CACNA2D3: variants seen among roughly 807,000 people sequenced by gnomAD.
CACNA2D3 encodes the protein calcium voltage-gated channel auxiliary subunit alpha2delta 3.
A neutral mutation model predicts 160.6 loss-of-function variants in CACNA2D3; 60 were observed. The observed-to-expected ratio is 0.37, with a 90% confidence interval of 0.30 to 0.46. The LOEUF (loss-of-function observed/expected upper bound fraction) is 0.46. Among genes scored for constraint, CACNA2D3 ranks in the 20% least tolerant of loss-of-function variants. CACNA2D3 has a pLI of 1.00. For missense variants in CACNA2D3, 1,205 were observed against 1,365.0 expected (o/e 0.88, Z 1.85); for synonymous variants, 558 against 492.9 (o/e 1.13, Z -1.75).
intron 4 of CACNA2D3, among the ~76,000 whole-genome samples, chr3:54,391,329 C>T (rs1162400179): frequency 6.6e-6 from 1 of 152,148 alleles, no homozygotes; most frequent in Non-Finnish European, 1.5e-5. Flanking sequence ...CTACAGCCCC[C>T]TCTGTAATGT....
intron 27 of CACNA2D3, among the ~76,000 whole-genome samples, chr3:54,936,997 G>T (rs1273239041): frequency 2.0e-5 from 3 of 152,124 alleles, no homozygotes; most frequent in African/African-American, 7.2e-5. Flanking sequence ...TGGAAAGGCA[G>T]CTGAGTGCCG....
At chr3:55,000,414 C>T (rs565603050) in intron 31 of CACNA2D3, among the ~76,000 whole-genome samples, 2 of 151,978 alleles carry the variant, frequency 1.3e-5, no homozygotes, top group South Asian at 2.1e-4. Flanking sequence ...GAGTGGGGAA[C>T]AAGGGGAGGG....
chr3:54,314,305 A>T (rs1328136314), intron 2 of CACNA2D3, among the ~76,000 whole-genome samples: 1 of 152,092 alleles, frequency 6.6e-6, no homozygotes, highest in Non-Finnish European at 1.5e-5. Flanking sequence ...CCACTCATTG[A>T]TTGATGGGTA....
chr3:54,123,363 A>C, intron 1 of CACNA2D3, 150 bp from the exon 2 acceptor site: 1 of 648,506 alleles, frequency 1.5e-6, no homozygotes, highest in Non-Finnish European at 2.7e-6. Flanking sequence ...GGCAGTTTCT[A>C]CCAAGCCGCT....
intron 14 of CACNA2D3, among the ~76,000 whole-genome samples, chr3:54,832,016 C>T (rs868831127): frequency 0.017 from 2,058 of 121,106 alleles, 74 homozygotes; most frequent in South Asian, 0.036. Flanking sequence ...CTCTGTCACA[C>T]ACACACACAC....
chr3:54,984,673 G>T lies in CACNA2D3; in HGVS notation c.2619+3G>T. ...TGGTGTCTGAAGACTACACACAGGT[G>T]AGTGAAAATTTTCTACCAGCTCCAA... On this transcript the variant is annotated splice_donor_region_variant and intron_variant, in intron 30 of 37. Transcript: ENST00000474759. 6.4e-7 allele frequency: 1 copy of T among 1,551,200 alleles called. No homozygotes were observed. The highest frequency in any genetic ancestry group is 2.3e-5 in the East Asian group (1 of 42,806).
At chr3:54,797,709 C>G (rs1306584674) in intron 13 of CACNA2D3, among the ~76,000 whole-genome samples, 1 of 152,186 alleles carries the variant, frequency 6.6e-6, no homozygotes, top group Non-Finnish European at 1.5e-5. Context: ...GTAATGTCCT[C>G]TAAAGATGAG....
chr3:54,309,379 G>A (rs1354439308), intron 2 of CACNA2D3, among the ~76,000 whole-genome samples: 1 of 152,238 alleles, frequency 6.6e-6, no homozygotes, highest in African/African-American at 2.4e-5. Context: ...ATTTATCAGA[G>A]GCATTTGTCC....
In CACNA2D3 at chr3:54,755,586, GCTTGT is replaced by G. The variant is rs371828944; in HGVS notation, c.1246+2912_1246+2916del. Among the ~76,000 whole-genome samples the G allele has an allele frequency of 3.3e-5, 5 of 152,102 alleles. 1 individual carries two copies. The highest frequency in any genetic ancestry group is 1.2e-4 in the African/African-American group (5 of 41,488). ...TTCACTAAAAGGTATCAATAATTCT[GCTTGT>G]CTCAGAGTTACACATTTGGCCTCAT... On this transcript the variant is annotated intron_variant, in intron 12 of 37. Coordinates refer to ENST00000474759, the MANE Select transcript of CACNA2D3 (RefSeq NM_018398.3).
chr3:54,940,601 T>C (rs567871278), intron 27 of CACNA2D3, among the ~76,000 whole-genome samples: 105 of 152,312 alleles, frequency 6.9e-4, no homozygotes, highest in Non-Finnish European at 1.3e-3. Context: ...TGCTACAGGC[T>C]ACTCCCAAAC....
At chr3:54,200,144 G>A (rs1363079037) in intron 2 of CACNA2D3, among the ~76,000 whole-genome samples, 1 of 152,218 alleles carries the variant, frequency 6.6e-6, no homozygotes, top group African/African-American at 2.4e-5. Context: ...ATCAGTGGCT[G>A]AAGTCTGGAA....
At chr3:54,390,768 C>G (rs1045996986) in intron 4 of CACNA2D3, among the ~76,000 whole-genome samples, 1 of 152,178 alleles carries the variant, frequency 6.6e-6, no homozygotes, top group African/African-American at 2.4e-5. Context: ...AGCCCCATTG[C>G]TATTACTGAG....
chr3:54,546,995 G>C (rs538249814), intron 5 of CACNA2D3, among the ~76,000 whole-genome samples: 1 of 152,240 alleles, frequency 6.6e-6, no homozygotes, highest in African/African-American at 2.4e-5. Context: ...GGGATCTTCA[G>C]GCACTTGTCC....
At chr3:54,990,268 C>T (rs753371082) in intron 31 of CACNA2D3, among the ~76,000 whole-genome samples, 11 of 152,272 alleles carry the variant, frequency 7.2e-5, no homozygotes, top group Non-Finnish European at 1.6e-4. Context: ...CAGTGGCTCA[C>T]GCCTGTAATC....
chr3:54,208,272 A>AT (rs972007478), intron 2 of CACNA2D3, among the ~76,000 whole-genome samples: 17 of 152,074 alleles, frequency 1.1e-4, no homozygotes, highest in South Asian at 4.2e-4. Context: ...TGCCTGGCTA[A>AT]TTTTTTTGTA....
chr3:54,932,647 T>C (rs2106959671), intron 27 of CACNA2D3, among the ~76,000 whole-genome samples: 1 of 152,320 alleles, frequency 6.6e-6, no homozygotes. Flanking sequence ...ACAGGTAACA[T>C]CTGTCTTTCT....
chr3:54,782,812 G>T (rs1702560218), intron 13 of CACNA2D3, among the ~76,000 whole-genome samples: 1 of 152,156 alleles, frequency 6.6e-6, no homozygotes, highest in African/African-American at 2.4e-5. Flanking sequence ...AGGAAAGGCT[G>T]AGCTGTGCAA....
chr3:54,698,536 T>G (rs1228845263), intron 11 of CACNA2D3, among the ~76,000 whole-genome samples: 1 of 152,150 alleles, frequency 6.6e-6, no homozygotes, highest in Non-Finnish European at 1.5e-5. Flanking sequence ...ATGTTTTTGG[T>G]CCCCATTGAT....
At chr3:54,338,088 A>G (rs1353863233) in intron 3 of CACNA2D3, among the ~76,000 whole-genome samples, 1 of 152,366 alleles carries the variant, frequency 6.6e-6, no homozygotes. Context: ...ATGGAGCACT[A>G]TAGAAGAAGT....
Sources: gnomAD v4.1 joint callset for allele counts (sites outside exome capture counted in the v4.1 genomes callset) on GRCh38, gnomAD v4.1.1 for gene constraint, MANE v1.5 for transcripts, NCBI Gene and HGNC (gene_info 2026-07-23, HGNC 2026-07-21) for gene names.